The following SAMD8 variants were observed in gnomAD, a reference collection of about 807,000 sequenced individuals.
SAMD8 encodes the protein sphingomyelin synthase-related protein 1.
SAMD8 carries 20 observed loss-of-function variants against 42.0 expected under a neutral mutation model. The observed-to-expected ratio is 0.48, with a 90% CI of 0.34 to 0.69. The LOEUF is 0.69. Ranked by LOEUF, SAMD8 falls within the 30% of genes least tolerant of loss-of-function variation. The probability of loss-of-function intolerance (pLI) is 0.01; values close to 1 mark genes in which losing one functional copy is unlikely to be tolerated. For missense variants in SAMD8, 328 were observed against 511.6 expected (o/e 0.64, Z 3.46); for synonymous variants, 162 against 173.0 (o/e 0.94, Z 0.50).
intron 1 of SAMD8, among the ~76,000 whole-genome samples, chr10:75,127,849 T>C (rs1849180816): frequency 6.6e-6 from 1 of 152,334 alleles, no homozygotes; most frequent in South Asian, 2.1e-4. Context: ...AGGAACAACA[T>C]GTACTTTTGT....
At chr10:75,163,442 T>C (rs1663530292) in intron 2 of SAMD8, among the ~76,000 whole-genome samples, 1 of 152,094 alleles carries the variant, frequency 6.6e-6, no homozygotes. Context: ...CTCTTTCTTT[T>C]TTTCTTTTTT....
intron 1 of SAMD8, among the ~76,000 whole-genome samples, chr10:75,129,708 C>T (rs1849231030): frequency 1.3e-5 from 2 of 152,150 alleles, no homozygotes; most frequent in African/African-American, 2.4e-5. Flanking sequence ...AGAAACACCC[C>T]AAAGCCATCT....
chr10:75,164,717 G>A lies in SAMD8; in HGVS notation c.651G>A (p.Leu217=). 6.2e-7 allele frequency: 1 copy of A among 1,613,752 alleles called. No homozygotes were observed. The highest frequency in any genetic ancestry group is 8.5e-7 in the Non-Finnish European group (1 of 1,179,770). The change falls in exon 3 of 6, where the codon CTG becomes CTA. Residue 217 remains leucine (L), a synonymous_variant. Coordinates refer to ENST00000542569, the MANE Select transcript of SAMD8 (RefSeq NM_001174156.2). The part of the protein sequence containing the change: ...CGMILCYIWL[L]VLLLHKHRSI... ...TGATTCTGTGCTATATTTGGCTCCTGGTTCTTCTTCTTCACAAGCACAGGT... is the reference window on the plus strand; with the variant it reads ...TGATTCTGTGCTATATTTGGCTCCTAGTTCTTCTTCTTCACAAGCACAGGT...
At chr10:75,100,458 C>CA (rs1427145238) in intron 1 of SAMD8, among the ~76,000 whole-genome samples, 1 of 152,170 alleles carries the variant, frequency 6.6e-6, no homozygotes, top group Non-Finnish European at 1.5e-5. Flanking sequence ...CAGTCCCTCC[C>CA]AAGGAGGGGA....
At chr10:75,111,464 C>A, upstream of SAMD8, 5 of 1,211,210 alleles carry the variant, frequency 4.1e-6, no homozygotes, top group Non-Finnish European at 5.1e-6. Flanking sequence ...GAACCCCGTC[C>A]CCGGCCGGTA....
intron 4 of SAMD8, among the ~76,000 whole-genome samples, chr10:75,169,122 A>G (rs896038480): frequency 1.4e-5 from 2 of 138,272 alleles, no homozygotes; most frequent in African/African-American, 5.5e-5. Context: ...ATGAGCTGAG[A>G]TCGTGCCACT....
intron 3 of SAMD8, among the ~76,000 whole-genome samples, chr10:75,166,328 T>C (rs1243837551): frequency 6.6e-6 from 1 of 151,648 alleles, no homozygotes; most frequent in Non-Finnish European, 1.5e-5. Context: ...ATAAAATTAG[T>C]AGATATTGCA....
In SAMD8 at chr10:75,161,016, C is replaced by T. The variant is rs558946060; in HGVS notation, c.579-3629C>T. On this transcript the variant is annotated intron_variant, in intron 2 of 5. Transcript: ENST00000542569. ...CCAGGAGGTGGAGGTTGCAGTTAGC[C>T]GCGATTGCGCCACTGTACTGCAGCC... is the stretch of plus-strand genomic sequence containing the variant. 1.3e-3 allele frequency among the ~76,000 whole-genome samples: 201 copies of T among 152,084 alleles called. 5 individuals are homozygous for T. Among genetic ancestry groups the T allele is most frequent in the African/African-American group, 3.3e-3 (138 of 41,494 alleles).
chr10:75,102,394 G>T (rs899244918), intron 1 of SAMD8, among the ~76,000 whole-genome samples: 3 of 152,062 alleles, frequency 2.0e-5, no homozygotes, highest in Non-Finnish European at 4.4e-5. Context: ...AGTGAGCCGA[G>T]ATCGCGCCAC....
At chr10:75,127,316 A>C (rs1427731939) in intron 1 of SAMD8, among the ~76,000 whole-genome samples, 1 of 152,178 alleles carries the variant, frequency 6.6e-6, no homozygotes, top group Non-Finnish European at 1.5e-5. Flanking sequence ...CCCTCAGTTC[A>C]TGTGAGGCAG....
At chr10:75,105,516 G>C (rs975891441) in intron 1 of SAMD8, 4 of 840,290 alleles carry the variant, frequency 4.8e-6, no homozygotes, top group Non-Finnish European at 7.3e-6. Context: ...TTGGAGAGAG[G>C]GCCAGGCCCC....
At chr10:75,119,074 T>C (rs182338322) in intron 1 of SAMD8, among the ~76,000 whole-genome samples, 9 of 152,366 alleles carry the variant, frequency 5.9e-5, no homozygotes, top group Admixed American at 4.6e-4. Context: ...TCTTGGGATA[T>C]GGATCTTAAT....
At chr10:75,119,224 C>A (rs1047467719) in intron 1 of SAMD8, among the ~76,000 whole-genome samples, 2 of 151,702 alleles carry the variant, frequency 1.3e-5, no homozygotes, top group Non-Finnish European at 2.9e-5. Context: ...GTGGTGCGAT[C>A]TCAGCTCGCT....
At chr10:75,175,330 G>A (rs1213377962) in intron 4 of SAMD8, among the ~76,000 whole-genome samples, 1 of 152,130 alleles carries the variant, frequency 6.6e-6, no homozygotes, top group Non-Finnish European at 1.5e-5. Context: ...CAGTGAAGAA[G>A]GGGAGAGTGG....
At chr10:75,131,507 A>G (rs1182291606) in intron 1 of SAMD8, among the ~76,000 whole-genome samples, 2 of 152,272 alleles carry the variant, frequency 1.3e-5, no homozygotes, top group East Asian at 3.9e-4. Flanking sequence ...ATTAAAACAT[A>G]TACTAATTAG....
chr10:75,140,851 T>C lies in SAMD8; in HGVS notation c.-15-9663T>C, dbSNP rs956836545. 2.0e-4 allele frequency among the ~76,000 whole-genome samples: 31 copies of C among 152,216 alleles called. 1 individual carries two copies. Among genetic ancestry groups the C allele is most frequent in the Non-Finnish European group, 3.7e-4 (25 of 68,040 alleles). On this transcript the variant is annotated intron_variant, in intron 1 of 5. Transcript: ENST00000542569. ...CAGATAAGTTTGGGGAAAATTGTCC[T>C]CTTAACAGTATTGATTCTTCTGACC...
intron 1 of SAMD8, among the ~76,000 whole-genome samples, chr10:75,124,613 A>G (rs1192294074): frequency 2.5e-5 from 2 of 80,374 alleles, no homozygotes; most frequent in Non-Finnish European, 5.0e-5. Context: ...ACTCCATCTC[A>G]AAAAAAAAAA....
In SAMD8 at chr10:75,176,489, G is replaced by A. The variant is rs1288703256; in HGVS notation, c.1045G>A (p.Val349Met). The A allele has an allele frequency of 6.4e-7, 1 of 1,550,952 alleles. No individual in the cohort carries two copies. Among genetic ancestry groups the A allele is most frequent in the Non-Finnish European group, 8.7e-7 (1 of 1,147,050 alleles). ...LAAHEHYSIDVFIAFYITTRL... is the reference protein window; with the variant it reads ...LAAHEHYSIDMFIAFYITTRL... ...TGCCCATGAACATTATTCTATTGAT[G>A]TGTTTATTGCTTTTTATATAACAAC... is the stretch of plus-strand genomic sequence containing the variant. The change falls in exon 6 of 6, where the codon GTG becomes ATG. Residue 349 changes from valine to methionine, a missense_variant. This residue lies in a region of SAMD8 where 178 missense variants were observed against 325.6 expected (regional missense o/e 0.55). Transcript: ENST00000542569. This position sits in a 1 kb window ranked among gnomAD's most constrained non-coding sequence, Gnocchi z 4.3.
At position 75,176,944 on chromosome 10, in the gene SAMD8, T is replaced by G; in HGVS notation, c.*252T>G. On this transcript the variant is annotated 3_prime_UTR_variant, in exon 6 of 6. Transcript: ENST00000542569. The surrounding 1 kb of genome is among the most constrained non-coding windows in gnomAD (Gnocchi z 4.3). Reference sequence around the variant, plus strand: ...TCTTTAGGAAGACTTAATGTTGTGATTGAAGTCAGGCTGTACCCTTACCTG... The same window carrying G: ...TCTTTAGGAAGACTTAATGTTGTGAGTGAAGTCAGGCTGTACCCTTACCTG... 2.5e-6 allele frequency: 1 copy of G among 399,764 alleles called. No homozygotes were observed. The highest frequency in any genetic ancestry group is 4.5e-6 in the Non-Finnish European group (1 of 224,218). 24.8% of individuals were successfully genotyped at this position (399,764 alleles called of 1,614,324 possible). A position where few individuals can be genotyped will look rare whatever the true frequency, so the allele number is the denominator to read the frequency against.
Sources: allele counts gnomAD v4.1 joint callset (sites outside exome capture counted in the v4.1 genomes callset), GRCh38; gene constraint gnomAD v4.1.1; regional missense constraint gnomAD v4.1.1; non-coding constraint Gnocchi (gnomAD v3.1); transcripts MANE v1.5; gene names NCBI Gene and HGNC (gene_info 2026-07-23, HGNC 2026-07-21).